UBAP1: variants seen among roughly 807,000 people sequenced by gnomAD.
The protein encoded by UBAP1 is ubiquitin associated protein 1.
In UBAP1, 5 loss-of-function variants were observed where a neutral mutation model predicts 39.0. The ratio of observed to expected loss-of-function variants is 0.13; its 90% CI spans 0.07 to 0.27. UBAP1 has a LOEUF of 0.27. UBAP1 is among the 10% of genes least tolerant of loss of function. UBAP1 has a pLI of 1.00. For synonymous variants in UBAP1, 211 were observed against 225.1 expected (o/e 0.94, Z 0.56); for missense variants, 490 against 608.1 (o/e 0.81, Z 2.04).
chr9:34,233,513 G>A lies in UBAP1; in HGVS notation c.35-703G>A, dbSNP rs1448211622. Among the ~76,000 whole-genome samples the A allele has an allele frequency of 4.6e-5, 7 of 152,102 alleles. No individual in the cohort carries two copies. The South Asian group carries it at 8.3e-4, about 18-fold the overall frequency. On this transcript the variant is annotated intron_variant, in intron 2 of 6. Coordinates refer to ENST00000297661, the MANE Select transcript of UBAP1 (RefSeq NM_016525.5). ...CCTAATCAAGGAGATTCTTTTCTGG[G>A]GAGTCTCATCCATTCAGTATTTATT...
chr9:34,184,189 A>G (rs1830248316), intron 1 of UBAP1, among the ~76,000 whole-genome samples: 1 of 152,174 alleles, frequency 6.6e-6, no homozygotes, highest in Non-Finnish European at 1.5e-5. Flanking sequence ...AGGTAACAGT[A>G]ATATTTTCCT....
intron 6 of UBAP1, chr9:34,251,034 G>C (rs1413621866): frequency 1.9e-6 from 1 of 523,568 alleles, no homozygotes; most frequent in Non-Finnish European, 3.5e-6. Flanking sequence ...ATTAGGGAGG[G>C]AGATTGCTGG....
Position 34,189,947 on chromosome 9 carries a change from AT to A in UBAP1, c.-8+10709del, listed in dbSNP as rs1365625577. Among the ~76,000 whole-genome samples, 4 of 152,096 alleles carry A rather than the reference AT, an allele frequency of 2.6e-5. No homozygotes were observed. In the East Asian group the frequency reaches 7.7e-4, roughly 29 times the overall value. ...CACTGCTCCTGGCCAGACATATTTA[AT>A]TCTTTCATCAAAGGTTTATTATATT... On this transcript the variant is annotated intron_variant, in intron 1 of 6. Coordinates refer to ENST00000297661, the MANE Select transcript of UBAP1 (RefSeq NM_016525.5).
intron 1 of UBAP1, among the ~76,000 whole-genome samples, chr9:34,219,687 CCTCCTTTCCT>C (rs1202170444): frequency 3.9e-5 from 5 of 126,658 alleles, no homozygotes; most frequent in African/African-American, 1.5e-4. Context: ...CCTCCCCTCC[CCTCCTTTCCT>C]CTCCTCTCCT....
At chr9:34,224,169 T>G (rs527525882) in intron 2 of UBAP1, 1 of 590,256 alleles carries the variant, frequency 1.7e-6, no homozygotes, top group African/African-American at 1.9e-5. Flanking sequence ...TTCATCGATT[T>G]CTTCTGAAAT....
rs750494361 is a variant in UBAP1, at chr9:34,217,783, C to CTTTTTTTTTTT, written c.-7-3105_-7-3095dup. Among the ~76,000 whole-genome samples the CTTTTTTTTTTT allele has an allele frequency of 4.1e-4, 17 of 41,224 alleles. 3 individuals carry two copies. Among genetic ancestry groups the CTTTTTTTTTTT allele is most frequent in the Non-Finnish European group, 5.2e-4 (13 of 24,896 alleles). 27.0% of individuals were successfully genotyped at this position (41,224 alleles called of 152,430 possible). On this transcript the variant is annotated intron_variant, in intron 1 of 6. Coordinates refer to ENST00000297661, the MANE Select transcript of UBAP1 (RefSeq NM_016525.5). ...TTGTCATAAATGACAGGATTTCGTT[C>CTTTTTTTTTTT]TTTTTTTTTTTTTTTTTTTTTTTTT...
At chr9:34,184,989 C>T (rs1437884638) in intron 1 of UBAP1, among the ~76,000 whole-genome samples, 2 of 137,490 alleles carry the variant, frequency 1.5e-5, no homozygotes, top group Non-Finnish European at 3.0e-5. Flanking sequence ...GGCTGGAGTG[C>T]AATGGTGTGA....
At chr9:34,227,713 C>T (rs1833177118) in intron 2 of UBAP1, among the ~76,000 whole-genome samples, 1 of 152,162 alleles carries the variant, frequency 6.6e-6, no homozygotes, top group South Asian at 2.1e-4. Context: ...ATGAGGCATG[C>T]ACTTAGTGGC....
chr9:34,251,696 CTGGGGAGG>C lies in UBAP1; in HGVS notation c.*171_*178del, dbSNP rs1241059552. 1.4e-5 allele frequency: 11 copies of C among 763,238 alleles called. No individual in the cohort carries two copies. The highest frequency in any genetic ancestry group is 1.2e-4 in the Admixed American group (4 of 34,120). 47.3% of individuals were successfully genotyped at this position (763,238 alleles called of 1,614,324 possible). On this transcript the variant is annotated 3_prime_UTR_variant, in exon 7 of 7. Transcript: ENST00000297661. ...AGTCTCTGTGAGCCTAGGCCCTGAG[CTGGGGAGG>C]TGGGGAAGATTCGGGCATGTGAGTG... is the stretch of plus-strand genomic sequence containing the variant.
intron 1 of UBAP1, among the ~76,000 whole-genome samples, chr9:34,180,331 A>G (rs758280917): frequency 3.9e-5 from 6 of 151,964 alleles, no homozygotes; most frequent in African/African-American, 7.3e-5. Flanking sequence ...CCTGACCAAC[A>G]TGTTGAAACC....
intron 1 of UBAP1, among the ~76,000 whole-genome samples, chr9:34,204,719 A>G (rs922076345): frequency 5.3e-5 from 8 of 152,214 alleles, no homozygotes; most frequent in African/African-American, 1.4e-4. Flanking sequence ...TACCCATTCT[A>G]CAAGTCTTTT....
intron 1 of UBAP1, among the ~76,000 whole-genome samples, chr9:34,187,905 G>A (rs1830494232): frequency 1.3e-5 from 2 of 149,806 alleles, no homozygotes; most frequent in African/African-American, 4.9e-5. Context: ...TATGACTTAA[G>A]GTATATGTAT....
intron 1 of UBAP1, among the ~76,000 whole-genome samples, chr9:34,193,033 G>A (rs974538725): frequency 6.6e-6 from 1 of 152,112 alleles, no homozygotes; most frequent in Non-Finnish European, 1.5e-5. Flanking sequence ...AGGGCCAGGC[G>A]CAGTGGCCCA....
Position 34,224,985 on chromosome 9 carries a change from A to C in UBAP1, c.34+4037A>C, listed in dbSNP as rs1587852519. On this transcript the variant is annotated intron_variant, in intron 2 of 6. Coordinates refer to ENST00000297661, the MANE Select transcript of UBAP1 (RefSeq NM_016525.5). The stretch of plus-strand genomic sequence containing the variant: ...CACCCCAGTTAAGGTGCTGCTTGCT[A>C]CTTGATCTTTCAGTTTCAGTGGCTA... 2.0e-5 allele frequency among the ~76,000 whole-genome samples: 3 copies of C among 152,186 alleles called. No individual in the cohort carries two copies. In the East Asian group the frequency reaches 5.8e-4, roughly 29 times the overall value.
chr9:34,249,829 T>C lies in UBAP1; in HGVS notation c.1134T>C (p.Cys378=). ...SVSQVPNMPS[C]PQAYSELQML... is the part of the protein sequence containing the mutation. ...CACAAGTGCCCAACATGCCCAGCTG[T>C]CCCCAGGCCTATTCTGAACTGCAGA... is the stretch of plus-strand genomic sequence containing the variant. The change falls in exon 5 of 7, where the codon TGT becomes TGC. Residue 378 remains cysteine (C), a synonymous_variant. Transcript: ENST00000297661. 5 of 1,614,152 alleles carry C rather than the reference T, an allele frequency of 3.1e-6. No homozygotes were observed. Among genetic ancestry groups the C allele is most frequent in the Non-Finnish European group, 4.2e-6 (5 of 1,180,022 alleles).
intron 4 of UBAP1, among the ~76,000 whole-genome samples, chr9:34,242,397 C>T (rs1329790937): frequency 6.6e-6 from 1 of 152,206 alleles, no homozygotes; most frequent in African/African-American, 2.4e-5. Context: ...ATCTGCCTGC[C>T]TTGGCCTTCC....
intron 2 of UBAP1, among the ~76,000 whole-genome samples, chr9:34,222,993 G>GT (rs1432420269): frequency 6.6e-6 from 1 of 152,176 alleles, no homozygotes; most frequent in Non-Finnish European, 1.5e-5. Flanking sequence ...TAGACTTTCT[G>GT]TTTTGAATCT....
At chr9:34,183,193 G>A (rs1293734938) in intron 1 of UBAP1, among the ~76,000 whole-genome samples, 1 of 152,030 alleles carries the variant, frequency 6.6e-6, no homozygotes, top group African/African-American at 2.4e-5. Context: ...TTTATCAGGT[G>A]GTTTTCTTTA....
intron 1 of UBAP1, among the ~76,000 whole-genome samples, chr9:34,193,205 G>A (rs1004952624): frequency 2.6e-5 from 4 of 152,074 alleles, no homozygotes; most frequent in Non-Finnish European, 4.4e-5. Context: ...AGTTACTCAG[G>A]GGGGCTGAGG....
Sources: gnomAD v4.1 joint callset for allele counts (sites outside exome capture counted in the v4.1 genomes callset) on GRCh38, gnomAD v4.1.1 for gene constraint, MANE v1.5 for transcripts, NCBI Gene and HGNC (gene_info 2026-07-23, HGNC 2026-07-21) for gene names.